ADAMTS3: variants seen among roughly 807,000 people sequenced by gnomAD.
ADAMTS3 encodes A disintegrin and metalloproteinase with thrombospondin motifs 3.
In ADAMTS3, 73 loss-of-function variants were observed where a neutral mutation model predicts 129.0. The ratio of observed to expected loss-of-function variants is 0.57; its 90% CI spans 0.47 to 0.69. The LOEUF (loss-of-function observed/expected upper bound fraction) is 0.69. Among genes scored for constraint, ADAMTS3 ranks in the 30% least tolerant of loss-of-function variants. The pLI is 0.00. For missense variants in ADAMTS3, 1,457 were observed against 1,514.5 expected, an observed-to-expected ratio of 0.96 and a Z score of 0.63; for synonymous variants, 477 against 510.8, an observed-to-expected ratio of 0.93 and a Z score of 0.89.
intron 3 of ADAMTS3, among the ~76,000 whole-genome samples, chr4:72,491,685 G>C (rs1374768271): frequency 1.3e-5 from 2 of 151,642 alleles, no homozygotes; most frequent in African/African-American, 2.4e-5. Context: ...ATTTCCTTGA[G>C]GATTTTTGCA....
intron 3 of ADAMTS3, among the ~76,000 whole-genome samples, chr4:72,526,739 T>C (rs1251652656): frequency 0.091 from 937 of 10,352 alleles, 13 homozygotes; most frequent in African/African-American, 0.22. Flanking sequence ...CATACATATA[T>C]ATATATATAT....
At chr4:72,395,772 A>G (rs1721710284) in intron 4 of ADAMTS3, among the ~76,000 whole-genome samples, 1 of 152,148 alleles carries the variant, frequency 6.6e-6, no homozygotes. Flanking sequence ...TACAATACAT[A>G]GGATGCATGT....
intron 4 of ADAMTS3, among the ~76,000 whole-genome samples, chr4:72,365,205 C>T (rs1720839924): frequency 6.6e-6 from 1 of 152,136 alleles, no homozygotes; most frequent in African/African-American, 2.4e-5. Context: ...CTTATAAATG[C>T]AGCTATGTGG....
chr4:72,356,053 G>A (rs766743030), intron 4 of ADAMTS3, among the ~76,000 whole-genome samples: 1 of 151,860 alleles, frequency 6.6e-6, no homozygotes, highest in Admixed American at 6.6e-5. Context: ...AACAAAAAGG[G>A]AAAACATGTC....
chr4:72,331,726 T>G (rs1384744480), intron 5 of ADAMTS3, among the ~76,000 whole-genome samples: 1 of 152,134 alleles, frequency 6.6e-6, no homozygotes, highest in Non-Finnish European at 1.5e-5. Context: ...TTCCCCATCT[T>G]CCAAGACCTA....
intron 4 of ADAMTS3, among the ~76,000 whole-genome samples, chr4:72,366,489 T>C (rs1413835519): frequency 6.6e-6 from 1 of 152,196 alleles, no homozygotes; most frequent in Non-Finnish European, 1.5e-5. Flanking sequence ...AGGTGATGAA[T>C]GGAGATGTGA....
intron 3 of ADAMTS3, among the ~76,000 whole-genome samples, chr4:72,504,754 T>A (rs1309690031): frequency 2.0e-5 from 3 of 152,210 alleles, no homozygotes; most frequent in Non-Finnish European, 2.9e-5. Context: ...TCAAATGTTT[T>A]GTTCATTTAT....
intron 4 of ADAMTS3, among the ~76,000 whole-genome samples, chr4:72,398,520 A>G (rs1721786572): frequency 1.3e-5 from 2 of 152,214 alleles, no homozygotes. Context: ...GGTTGCAGTG[A>G]GCTGAGATCG....
chr4:72,376,144 C>T (rs1721128053), intron 4 of ADAMTS3, among the ~76,000 whole-genome samples: 1 of 152,062 alleles, frequency 6.6e-6, no homozygotes, highest in Non-Finnish European at 1.5e-5. Flanking sequence ...AGTAAAATGT[C>T]AAAGAATAAT....
intron 3 of ADAMTS3, among the ~76,000 whole-genome samples, chr4:72,514,794 C>G (rs1336905219): frequency 6.6e-6 from 1 of 151,990 alleles, no homozygotes; most frequent in Non-Finnish European, 1.5e-5. Context: ...TACTTAACAG[C>G]ATTTAAAAAT....
At chr4:72,506,167 C>T (rs989979264) in intron 3 of ADAMTS3, among the ~76,000 whole-genome samples, 17 of 152,156 alleles carry the variant, frequency 1.1e-4, no homozygotes, top group African/African-American at 3.6e-4. Context: ...CTCCACTGCA[C>T]TACGATCTAT....
intron 4 of ADAMTS3, among the ~76,000 whole-genome samples, chr4:72,362,114 A>G (rs1256245458): frequency 6.6e-6 from 1 of 152,106 alleles, no homozygotes; most frequent in Non-Finnish European, 1.5e-5. Flanking sequence ...TGATCATTGA[A>G]GCATATTTTA....
At chr4:72,551,765 G>A (rs975661257) in intron 2 of ADAMTS3, among the ~76,000 whole-genome samples, 3 of 152,112 alleles carry the variant, frequency 2.0e-5, no homozygotes, top group Non-Finnish European at 4.4e-5. Context: ...TATAAGCAAA[G>A]AGCCAAAGGA....
chr4:72,340,916 T>C (rs974677712), intron 4 of ADAMTS3, among the ~76,000 whole-genome samples: 1 of 152,206 alleles, frequency 6.6e-6, no homozygotes, highest in African/African-American at 2.4e-5. Flanking sequence ...TTTTATAAGC[T>C]GCCTTGATGT....
chr4:72,450,037 C>A (rs1718353254), intron 3 of ADAMTS3, among the ~76,000 whole-genome samples: 2 of 151,674 alleles, frequency 1.3e-5, no homozygotes, highest in South Asian at 2.1e-4. Flanking sequence ...TCCCTGGAAG[C>A]CTCATCTAAC....
In ADAMTS3 at chr4:72,283,233, T is replaced by C; in HGVS notation, c.3521A>G (p.Asp1174Gly). The change falls in exon 22 of 22, where the codon GAT becomes GGT. Residue 1174 changes from aspartate to glycine, a missense_variant. Physicochemically the swap from Asp to Gly is moderately conservative, Grantham distance 94 (BLOSUM62 -1). Coordinates refer to ENST00000286657, the MANE Select transcript of ADAMTS3 (RefSeq NM_014243.3). ...MAAASFFAAS[D>G]SIGASSQART... ...TGCCTGAGAAGAAGCACCTATTGAA[T>C]CACTGGCTGCAAAGAAGGAAGCAGC... is the stretch of plus-strand genomic sequence containing the variant. 1 of 1,613,998 alleles carries C rather than the reference T, an allele frequency of 6.2e-7. No individual in the cohort carries two copies. The highest frequency in any genetic ancestry group is 8.5e-7 in the Non-Finnish European group (1 of 1,179,948).
Position 72,370,846 on chromosome 4 carries a change from C to A in ADAMTS3, c.662-31153G>T, listed in dbSNP as rs1228161539. Among the ~76,000 whole-genome samples, 2 of 151,978 alleles carry A rather than the reference C, an allele frequency of 1.3e-5. 1 individual carries two copies. The highest frequency in any genetic ancestry group is 4.2e-4 in the South Asian group (2 of 4,812). On this transcript the variant is annotated intron_variant, in intron 4 of 21. Transcript: ENST00000286657. ...ATTATTATTGTGGGTTGACATGTGCCCCCTGAAAGATAAGTTTAAGTCTTA... is the reference window on the plus strand; with the variant it reads ...ATTATTATTGTGGGTTGACATGTGCACCCTGAAAGATAAGTTTAAGTCTTA...
At chr4:72,313,638 T>C (rs1298442225) in intron 12 of ADAMTS3, 39 bp downstream of exon 12, 2 of 1,602,474 alleles carry the variant, frequency 1.2e-6, no homozygotes, top group Non-Finnish European at 1.7e-6. Context: ...TATTTTCTGG[T>C]CTCTCCAAAA....
chr4:72,564,433 C>T (rs1214948507), intron 2 of ADAMTS3, among the ~76,000 whole-genome samples: 3 of 152,142 alleles, frequency 2.0e-5, no homozygotes, highest in Non-Finnish European at 4.4e-5. Context: ...AATGACAGTG[C>T]TCCCTGATAC....
Sources: gnomAD v4.1 joint callset for allele counts (sites outside exome capture counted in the v4.1 genomes callset) on GRCh38, gnomAD v4.1.1 for gene constraint, MANE v1.5 for transcripts, NCBI Gene and HGNC (gene_info 2026-07-23, HGNC 2026-07-21) for gene names.